FSTL5: variants seen among roughly 807,000 people sequenced by gnomAD.
The protein encoded by FSTL5 is follistatin like 5.
FSTL5 carries 62 observed loss-of-function variants against 89.1 expected under a neutral mutation model. The ratio of observed to expected loss-of-function variants is 0.70; its 90% CI spans 0.57 to 0.86. The LOEUF is 0.86. FSTL5 is among the 40% of genes least tolerant of loss of function. The pLI, the probability that FSTL5 is intolerant of heterozygous loss-of-function variation, is 0.00. For synonymous variants in FSTL5, 383 were observed against 346.2 expected, an observed-to-expected ratio of 1.11 and a Z score of -1.18; for missense variants, 1,057 against 1,001.6, an observed-to-expected ratio of 1.06 and a Z score of -0.75.
chr4:161,568,936 C>T (rs1434017534), intron 8 of FSTL5, among the ~76,000 whole-genome samples: 1 of 152,140 alleles, frequency 6.6e-6, no homozygotes, highest in South Asian at 2.1e-4. Flanking sequence ...AGGAATCTTG[C>T]AGGGTTAACT....
chr4:161,812,586 A>T (rs571759671), intron 4 of FSTL5, among the ~76,000 whole-genome samples: 12 of 152,270 alleles, frequency 7.9e-5, no homozygotes, highest in South Asian at 4.1e-4. Context: ...CTAAAAAAAT[A>T]GTATTTTGAG....
intron 9 of FSTL5, among the ~76,000 whole-genome samples, 176 bp from the exon 10 acceptor site, chr4:161,538,476 C>T (rs1402871383): frequency 2.0e-5 from 3 of 152,118 alleles, no homozygotes; most frequent in South Asian, 2.1e-4. Context: ...TGTTCATAAA[C>T]TGTGCTGTCA....
chr4:161,486,980 A>G (rs1435606673), intron 12 of FSTL5, among the ~76,000 whole-genome samples: 1 of 152,192 alleles, frequency 6.6e-6, no homozygotes, highest in Non-Finnish European at 1.5e-5. Context: ...TACTTTGTCA[A>G]ATTATTTTCA....
rs149815134 is a variant in FSTL5, at chr4:161,492,010, G to A, written c.1458+8006C>T. 2.0e-3 allele frequency among the ~76,000 whole-genome samples: 297 copies of A among 152,138 alleles called. 1 individual carries two copies. Among genetic ancestry groups the A allele is most frequent in the African/African-American group, 6.8e-3 (284 of 41,500 alleles). On this transcript the variant is annotated intron_variant, in intron 12 of 15. Transcript: ENST00000306100. ...AGCTGTACAAATGAGATTTATAATA[G>A]GATTATACAATATGCAGCCACATGT...
At chr4:161,579,005 C>T (rs1010730284) in intron 8 of FSTL5, among the ~76,000 whole-genome samples, 11 of 152,142 alleles carry the variant, frequency 7.2e-5, no homozygotes, top group African/African-American at 2.7e-4. Context: ...AATGAAAATT[C>T]AGAAATTCAG....
intron 3 of FSTL5, among the ~76,000 whole-genome samples, chr4:161,968,171 A>T (rs2111004598): frequency 6.6e-6 from 1 of 152,202 alleles, no homozygotes; most frequent in Admixed American, 6.6e-5. Context: ...CCTCATCTGT[A>T]AAACATATTG....
At position 161,384,229 on chromosome 4, in the gene FSTL5, T is replaced by C. The variant is rs1460797632; in HGVS notation, c.*1518A>G. Reference sequence around the variant, plus strand: ...AATTTCAGGTTTCTAAGCAGTTTTATACAATTTAAACTTGAGTAAAATTTG... The same window carrying C: ...AATTTCAGGTTTCTAAGCAGTTTTACACAATTTAAACTTGAGTAAAATTTG... On this transcript the variant is annotated 3_prime_UTR_variant, in exon 16 of 16. Transcript: ENST00000306100. 1 of 152,210 alleles carries C rather than the reference T, an allele frequency of 6.6e-6. No homozygotes were observed. The highest frequency in any genetic ancestry group is 1.5e-5 in the Non-Finnish European group (1 of 68,014). 9.4% of individuals were successfully genotyped at this position (152,210 alleles called of 1,614,324 possible). A position where few individuals can be genotyped will look rare whatever the true frequency, so the allele number is the denominator to read the frequency against.
At chr4:161,667,367 G>A (rs1460764724) in intron 6 of FSTL5, among the ~76,000 whole-genome samples, 1 of 152,042 alleles carries the variant, frequency 6.6e-6, no homozygotes, top group Non-Finnish European at 1.5e-5. Context: ...TGTACTAACA[G>A]AAAGAATTGG....
intron 3 of FSTL5, among the ~76,000 whole-genome samples, chr4:162,013,721 G>GT (rs1257185320): frequency 3.3e-5 from 5 of 151,608 alleles, no homozygotes; most frequent in Middle Eastern, 6.9e-3. Context: ...TTGTTTGTTT[G>GT]TTTTTTAAGG....
At chr4:161,873,519 C>T (rs7698322) in intron 4 of FSTL5, among the ~76,000 whole-genome samples, 86,174 of 145,742 alleles carry the variant, frequency 0.59, 25,995 homozygotes, top group East Asian at 0.8. Context: ...CTTCCTTCCT[C>T]CCACCCTCCC....
At chr4:162,055,080 G>A (rs1738494745) in intron 2 of FSTL5, among the ~76,000 whole-genome samples, 1 of 151,702 alleles carries the variant, frequency 6.6e-6, no homozygotes. Context: ...TATTTGCTTG[G>A]TTATAGAAAA....
At chr4:162,130,678 T>C (rs1561035897) in intron 1 of FSTL5, among the ~76,000 whole-genome samples, 1 of 152,106 alleles carries the variant, frequency 6.6e-6, no homozygotes, top group East Asian at 1.9e-4. Flanking sequence ...ATTACCTTAT[T>C]TGAGGCTCTA....
chr4:161,977,612 CAAAAAAAAAAAA>C (rs796909244), intron 3 of FSTL5, among the ~76,000 whole-genome samples: 2,175 of 94,932 alleles, frequency 0.023, 53 homozygotes, highest in African/African-American at 0.075. Context: ...GACTCCGTGT[CAAAAAAAAAAAA>C]AAAAAAAAAA....
chr4:161,861,899 T>C (rs1378876063), intron 4 of FSTL5, among the ~76,000 whole-genome samples: 1 of 152,244 alleles, frequency 6.6e-6, no homozygotes. Context: ...GATGCAAATT[T>C]AGTTCATTCC....
intron 9 of FSTL5, among the ~76,000 whole-genome samples, chr4:161,540,996 A>G (rs1373954982): frequency 1.3e-5 from 2 of 152,092 alleles, no homozygotes; most frequent in East Asian, 1.9e-4. Context: ...TTAATAAAAT[A>G]TTTGTGCTTT....
intron 15 of FSTL5, among the ~76,000 whole-genome samples, chr4:161,438,168 T>C (rs1732637475): frequency 6.6e-6 from 1 of 152,078 alleles, no homozygotes; most frequent in Admixed American, 6.5e-5. Flanking sequence ...GGTGAAGAAA[T>C]ACTGGGAAAA....
chr4:161,549,067 T>C (rs1031440404), intron 8 of FSTL5, among the ~76,000 whole-genome samples: 4 of 151,750 alleles, frequency 2.6e-5, no homozygotes, highest in Non-Finnish European at 5.9e-5. Context: ...ATTGTTTTTA[T>C]GAAAGTGTTT....
chr4:162,062,412 G>T (rs1031719246), intron 2 of FSTL5, among the ~76,000 whole-genome samples: 3 of 151,642 alleles, frequency 2.0e-5, no homozygotes, highest in African/African-American at 7.3e-5. Flanking sequence ...AATTTCTATT[G>T]GAATTTCCTG....
chr4:161,469,821 T>C (rs908760710), intron 13 of FSTL5, among the ~76,000 whole-genome samples: 2 of 151,908 alleles, frequency 1.3e-5, no homozygotes, highest in Non-Finnish European at 2.9e-5. Context: ...TTTGTTTGAT[T>C]TTAGTAGAGA....
Sources: allele counts gnomAD v4.1 joint callset (sites outside exome capture counted in the v4.1 genomes callset), GRCh38; gene constraint gnomAD v4.1.1; transcripts MANE v1.5; gene names NCBI Gene and HGNC (gene_info 2026-07-23, HGNC 2026-07-21).